PCDHGC3: variants seen among roughly 807,000 people sequenced by gnomAD.
PCDHGC3 encodes protocadherin gamma-C3.
PCDHGC3 carries 26 observed loss-of-function variants against 59.2 expected under a neutral mutation model. That is an observed-to-expected ratio of 0.44 (90% CI 0.32 to 0.61). The LOEUF (loss-of-function observed/expected upper bound fraction) is 0.61, where lower values mean the gene tolerates loss of function less well. Among genes scored for constraint, PCDHGC3 ranks in the 20% least tolerant of loss-of-function variants. PCDHGC3 has a pLI of 0.05. For synonymous variants in PCDHGC3, 487 were observed against 519.7 expected (o/e 0.94, Z 0.86); for missense variants, 1,080 against 1,221.8 (o/e 0.88, Z 1.73).
chr5:141,499,763 T>C (rs2099794343), intron 2 of PCDHGC3, among the ~76,000 whole-genome samples: 1 of 148,434 alleles, frequency 6.7e-6, no homozygotes, highest in African/African-American at 2.5e-5. Flanking sequence ...CTCAGCTCAC[T>C]GCAGCCTTCG....
At chr5:141,508,440 T>C (rs2099868879) in intron 3 of PCDHGC3, among the ~76,000 whole-genome samples, 1 of 152,186 alleles carries the variant, frequency 6.6e-6, no homozygotes, top group African/African-American at 2.4e-5. Context: ...CACAGTTCCT[T>C]AGTGGCAGAG....
chr5:141,495,221 G>A lies in PCDHGC3; in HGVS notation c.2489+356G>A, dbSNP rs376660961. On this transcript the variant is annotated intron_variant, in intron 2 of 3. Coordinates refer to ENST00000308177, the MANE Select transcript of PCDHGC3 (RefSeq NM_002588.4). ...ACTGCCTAACCCCCTCCCCTGAGTT[G>A]AGCTGGGCTCCATTATGACCTGGGG... Among the ~76,000 whole-genome samples, 26 of 152,300 alleles carry A rather than the reference G, an allele frequency of 1.7e-4. 1 individual carries two copies. The East Asian group carries it at 4.4e-3, about 26-fold the overall frequency.
chr5:141,494,740 T>C, intron 1 of PCDHGC3, 67 bp from the exon 2 acceptor site: 1 of 1,612,194 alleles, frequency 6.2e-7, no homozygotes, highest in Non-Finnish European at 8.5e-7. Context: ...GGCCCATCCC[T>C]AGGGGCTCGG....
In PCDHGC3 at chr5:141,476,504, G is replaced by A; in HGVS notation, c.388G>A (p.Asp130Asn). The change falls in exon 1 of 4, where the codon GAC becomes AAC. Residue 130 changes from aspartate to asparagine, a missense_variant. Coordinates refer to ENST00000308177, the MANE Select transcript of PCDHGC3 (RefSeq NM_002588.4). This position sits in a 1 kb window ranked among gnomAD's most constrained non-coding sequence, Gnocchi z 7.6. ...SVEVVIQDIN[D>N]NNPAFPTQEM... ...GGAAGTGGTGATCCAGGACATCAAC[G>A]ACAACAATCCTGCTTTCCCTACCCA... The A allele has an allele frequency of 6.2e-7, 1 of 1,614,098 alleles. No individual in the cohort carries two copies. The highest frequency in any genetic ancestry group is 2.2e-5 in the East Asian group (1 of 44,854).
chr5:141,508,867 G>A (rs2099872497), intron 3 of PCDHGC3, among the ~76,000 whole-genome samples: 1 of 152,108 alleles, frequency 6.6e-6, no homozygotes. Flanking sequence ...GGGAAAGGCT[G>A]AAGAGGCTGA....
At position 141,487,621 on chromosome 5, in the gene PCDHGC3, A is replaced by G; in HGVS notation, c.2431-7186A>G. The G allele has an allele frequency of 6.2e-7, 1 of 1,614,164 alleles. No individual in the cohort carries two copies. On this transcript the variant is annotated intron_variant, in intron 1 of 3. Transcript: ENST00000308177. This position sits in a 1 kb window ranked among gnomAD's most constrained non-coding sequence, Gnocchi z 5.0. ...ATCTTCTCTATGGGCTAGAGGTGAG[A>G]CCTTTGCAGGCTCAACAAATGCTTG... is the stretch of plus-strand genomic sequence containing the variant.
rs71583649 is a variant in PCDHGC3, at chr5:141,491,361, C to A, written c.2431-3446C>A. On this transcript the variant is annotated intron_variant, in intron 1 of 3. Transcript: ENST00000308177. The surrounding 1 kb of genome is among the most constrained non-coding windows in gnomAD (Gnocchi z 6.9). The stretch of plus-strand genomic sequence containing the variant: ...CGACCGTCAGTCTCTTATCCCTAGT[C>A]ACCTTCACCTTTCTGTCAGCGAAGT... 1.0e-3 allele frequency: 1,614 copies of A among 1,614,132 alleles called. 5 individuals carry two copies. The highest frequency in any genetic ancestry group is 5.1e-3 in the Middle Eastern group (31 of 6,062).
rs1471215172 is a variant in PCDHGC3 at position 141,511,840 on chromosome 5, TCTG to T, written c.*668_*670del. 1 of 156,722 alleles carries T rather than the reference TCTG, an allele frequency of 6.4e-6. No homozygotes were observed. Among genetic ancestry groups the T allele is most frequent in the African/African-American group, 2.4e-5 (1 of 41,448 alleles). The allele number at this position is 156,722 out of a possible 1,614,324, so 9.7% of individuals were successfully genotyped here. A position where few individuals can be genotyped will look rare whatever the true frequency, so the allele number is the denominator to read the frequency against. On this transcript the variant is annotated 3_prime_UTR_variant, in exon 4 of 4. Coordinates refer to ENST00000308177, the MANE Select transcript of PCDHGC3 (RefSeq NM_002588.4). ...TTCCCAACGCCCTGGGGACCAGTCTTCTGTTTTGTTTTTCATTGTTTGACGTTT... is the reference window on the plus strand; with the variant it reads ...TTCCCAACGCCCTGGGGACCAGTCTTTTTTGTTTTTCATTGTTTGACGTTT...
Position 141,489,381 on chromosome 5 carries a change from T to C in PCDHGC3, c.2431-5426T>C. 3 of 1,613,894 alleles carry C rather than the reference T, an allele frequency of 1.9e-6. No individual in the cohort carries two copies. The highest frequency in any genetic ancestry group is 2.5e-6 in the Non-Finnish European group (3 of 1,179,802). On this transcript the variant is annotated intron_variant, in intron 1 of 3. Coordinates refer to ENST00000308177, the MANE Select transcript of PCDHGC3 (RefSeq NM_002588.4). The surrounding 1 kb of genome is among the most constrained non-coding windows in gnomAD (Gnocchi z 4.5). ...CTGAGCCGGGGACGCTGGTGGGGAA[T>C]GTTGCTCAGGATCTGGGCTTAAAGA...
At chr5:141,492,673 C>T (rs2099743035) in intron 1 of PCDHGC3, among the ~76,000 whole-genome samples, 1 of 152,250 alleles carries the variant, frequency 6.6e-6, no homozygotes, top group Non-Finnish European at 1.5e-5. Flanking sequence ...GGGACTCCGT[C>T]TCAAGGGTCG....
In PCDHGC3 at chr5:141,486,518, A is replaced by G; in HGVS notation, c.2430+7972A>G. The G allele has an allele frequency of 6.2e-7, 1 of 1,614,132 alleles. No homozygotes were observed. Among genetic ancestry groups the G allele is most frequent in the Non-Finnish European group, 8.5e-7 (1 of 1,179,996 alleles). On this transcript the variant is annotated intron_variant, in intron 1 of 3. Coordinates refer to ENST00000308177, the MANE Select transcript of PCDHGC3 (RefSeq NM_002588.4). The surrounding 1 kb of genome is among the most constrained non-coding windows in gnomAD (Gnocchi z 5.0). ...TATTTTCCTCAATATTTCAGATGTG[A>G]ATGATAATCCACCCTCTTTCTTTCA...
At chr5:141,510,509 C>G (rs146315792) in intron 3 of PCDHGC3, among the ~76,000 whole-genome samples, 13 of 152,204 alleles carry the variant, frequency 8.5e-5, no homozygotes, top group Non-Finnish European at 1.6e-4. Flanking sequence ...ACTGAGAGCC[C>G]GTGTCACAGC....
In PCDHGC3 at chr5:141,476,656, T is replaced by A. The variant is rs190269177; in HGVS notation, c.540T>A (p.Phe180Leu). 6.2e-7 allele frequency: 1 copy of A among 1,614,210 alleles called. No individual in the cohort carries two copies. The highest frequency in any genetic ancestry group is 1.3e-5 in the African/African-American group (1 of 75,064). ...ATGAGCTGAGCCGAAATGAATACTTTGCGCTTCGCGTGCAGACGCGGGAGG... is the reference window on the plus strand; with the variant it reads ...ATGAGCTGAGCCGAAATGAATACTTAGCGCTTCGCGTGCAGACGCGGGAGG... ...QTYELSRNEY[F>L]ALRVQTREDS... Residue 180 changes from phenylalanine (F) to leucine (L), a missense_variant, in exon 1 of 4, where the codon TTT becomes TTA. Phe to Leu is a conservative substitution (Grantham distance 22, BLOSUM62 0). Coordinates refer to ENST00000308177, the MANE Select transcript of PCDHGC3 (RefSeq NM_002588.4). This position sits in a 1 kb window ranked among gnomAD's most constrained non-coding sequence, Gnocchi z 7.6.
intron 2 of PCDHGC3, among the ~76,000 whole-genome samples, chr5:141,497,541 T>A (rs1157403777): frequency 1.1e-5 from 1 of 89,566 alleles, no homozygotes; most frequent in Admixed American, 1.2e-4. Context: ...GCAACAAACC[T>A]TTTTTTTTTT....
intron 1 of PCDHGC3, chr5:141,478,834 A>G: frequency 7.0e-7 from 1 of 1,427,896 alleles, no homozygotes; most frequent in Non-Finnish European, 9.2e-7. Context: ...TTGCTAAGGG[A>G]TGGTTAAGCT....
rs755706235 is a variant in PCDHGC3 at position 141,476,450 on chromosome 5, G to A, written c.334G>A (p.Val112Met). ...TTGCACTGTAACTCTGGAGTTGGTA[G>A]TGGAGAACCCGCTGGAGCTGTTCAG... Reference protein sequence around the residue: ...PSCTVTLELVVENPLELFSVE... With the variant: ...PSCTVTLELVMENPLELFSVE... The change falls in exon 1 of 4, where the codon GTG becomes ATG. Residue 112 changes from valine (V) to methionine (M), a missense_variant. Val to Met is a conservative substitution (Grantham distance 21). Transcript: ENST00000308177. The surrounding 1 kb of genome is among the most constrained non-coding windows in gnomAD (Gnocchi z 7.6). The A allele has an allele frequency of 6.2e-7, 1 of 1,614,180 alleles. No individual in the cohort carries two copies. The highest frequency in any genetic ancestry group is 8.5e-7 in the Non-Finnish European group (1 of 1,180,040).
At chr5:141,499,397 T>A (rs1171838687) in intron 2 of PCDHGC3, among the ~76,000 whole-genome samples, 2 of 152,122 alleles carry the variant, frequency 1.3e-5, no homozygotes, top group African/African-American at 4.8e-5. Flanking sequence ...AAATAGTACA[T>A]GCTCATTATA....
intron 1 of PCDHGC3, among the ~76,000 whole-genome samples, chr5:141,481,710 T>C (rs1447483213): frequency 6.6e-6 from 1 of 151,556 alleles, no homozygotes; most frequent in Non-Finnish European, 1.5e-5. Context: ...TCCCAGCACT[T>C]TGGGAGGCGG....
Position 141,485,181 on chromosome 5 carries a change from G to C in PCDHGC3, c.2430+6635G>C. 1 of 1,612,942 alleles carries C rather than the reference G, an allele frequency of 6.2e-7. No individual in the cohort carries two copies. Among genetic ancestry groups the C allele is most frequent in the East Asian group, 2.2e-5 (1 of 44,868 alleles). On this transcript the variant is annotated intron_variant, in intron 1 of 3. Transcript: ENST00000308177. This position sits in a 1 kb window ranked among gnomAD's most constrained non-coding sequence, Gnocchi z 5.7. ...AATTAGCGGGCGGCAGCAATGCTCC[G>C]CAAGGTGAGAAGCTGGACAGAAATC...
Sources: gnomAD v4.1 joint callset for allele counts (sites outside exome capture counted in the v4.1 genomes callset) on GRCh38, gnomAD v4.1.1 for gene constraint, Gnocchi (gnomAD v3.1) non-coding constraint, MANE v1.5 for transcripts, NCBI Gene and HGNC (gene_info 2026-07-23, HGNC 2026-07-21) for gene names.